Variants in EME2 observed in about 807,000 individuals in gnomAD.
The protein encoded by EME2 is essential meiotic structure-specific endonuclease subunit 2.
In EME2, 58 loss-of-function variants were observed where a neutral mutation model predicts 41.9. That is an observed-to-expected ratio of 1.38 (90% CI 1.12 to 1.72). EME2 has a LOEUF of 1.72. Among genes scored for constraint, EME2 ranks in the 40% most tolerant of loss-of-function variants. The pLI, the probability that EME2 is intolerant of heterozygous loss-of-function variation, is 0.00. For synonymous variants in EME2, 334 were observed against 239.3 expected (o/e 1.40, Z -3.65); for missense variants, 695 against 541.9 (o/e 1.28, Z -2.81).
chr16:1,772,814 G>A lies in EME2; in HGVS notation c.-414G>A. 6.9e-7 allele frequency: 1 copy of A among 1,446,596 alleles called. No homozygotes were observed. The allele number at this position is 1,446,596 out of a possible 1,614,324, so 89.6% of individuals were successfully genotyped here. On this transcript the variant is annotated 5_prime_UTR_variant, in exon 1 of 8. Coordinates refer to ENST00000568449, the MANE Select transcript of EME2 (RefSeq NM_001257370.2). The stretch of plus-strand genomic sequence containing the variant: ...GTGCACGCACCTGCGCCGTGTAGTC[G>A]GGCCGCACCCGCGTGAGGCGCCAGT...
At chr16:1,773,628 G>A in intron 1 of EME2, 77 bp from the exon 2 acceptor site, 1 of 1,543,296 alleles carries the variant, frequency 6.5e-7, no homozygotes, top group Non-Finnish European at 8.7e-7. Context: ...AGACTCCCCG[G>A]TCCGGCCACC....
chr16:1,781,302 C>G lies in EME2; in HGVS notation c.*5064C>G. 6.2e-7 allele frequency: 1 copy of G among 1,612,632 alleles called. No homozygotes were observed. The highest frequency in any genetic ancestry group is 8.5e-7 in the Non-Finnish European group (1 of 1,179,964). The stretch of plus-strand genomic sequence containing the variant: ...GTTCAGGTAATGTCTGCCTGCCTGC[C>G]TAGGGCATCTCCACACCTTAGGCCA... On this transcript the variant is annotated 3_prime_UTR_variant, in exon 8 of 8. Coordinates refer to ENST00000568449, the MANE Select transcript of EME2 (RefSeq NM_001257370.2).
chr16:1,781,116 G>C lies in EME2; in HGVS notation c.*4878G>C. 1 of 1,440,664 alleles carries C rather than the reference G, an allele frequency of 6.9e-7. No individual in the cohort carries two copies. 89.2% of individuals were successfully genotyped at this position (1,440,664 alleles called of 1,614,324 possible). A position where few individuals can be genotyped will look rare whatever the true frequency, so the allele number is the denominator to read the frequency against. On this transcript the variant is annotated 3_prime_UTR_variant, in exon 8 of 8. Coordinates refer to ENST00000568449, the MANE Select transcript of EME2 (RefSeq NM_001257370.2). ...CATGTGTTTCAGAGGAGAAAGCACAGTGAAGAATGCAGTGTGTTCTGAGGT... is the reference window on the plus strand; with the variant it reads ...CATGTGTTTCAGAGGAGAAAGCACACTGAAGAATGCAGTGTGTTCTGAGGT...
In EME2 at chr16:1,773,275, G is replaced by C; in HGVS notation, c.48G>C (p.Arg16=). The change falls in exon 1 of 8, where the codon CGG becomes CGC. Residue 16 remains arginine, a synonymous_variant. Transcript: ENST00000568449. ...GGGCGGGGGTCTCTTGCCAGGGCCG[G>C]GGCCGGGGACGGGGCGGGAGCGGTC... is the stretch of plus-strand genomic sequence containing the variant. ...PGRAGVSCQG[R]GRGRGGSGQR... 6.8e-7 allele frequency: 1 copy of C among 1,469,926 alleles called. No homozygotes were observed. Among genetic ancestry groups the C allele is most frequent in the Middle Eastern group, 2.0e-4 (1 of 5,084 alleles). 91.1% of individuals were successfully genotyped at this position (1,469,926 alleles called of 1,614,324 possible).
chr16:1,773,934 T>C lies in EME2; in HGVS notation c.384+93T>C, dbSNP rs1596846746. 13 of 1,403,696 alleles carry C rather than the reference T, an allele frequency of 9.3e-6. No homozygotes were observed. The South Asian group carries it at 1.9e-4, about 20-fold the overall frequency. 87.0% of individuals were successfully genotyped at this position (1,403,696 alleles called of 1,614,324 possible). ...GGAGCTGTCCCTGAGGCAGCTGCCC[T>C]GGGCCGTGCGCGTCTCGCGGATGGG... On this transcript the variant is annotated intron_variant, in intron 2 of 7. Coordinates refer to ENST00000568449, the MANE Select transcript of EME2 (RefSeq NM_001257370.2).
chr16:1,774,258 A>G lies in EME2; in HGVS notation c.385-2A>G, dbSNP rs1567227058. On this transcript the variant is annotated splice_acceptor_variant, in intron 2 of 7. Coordinates refer to ENST00000568449, the MANE Select transcript of EME2 (RefSeq NM_001257370.2). LOFTEE classifies it high-confidence loss of function. ...CAGCAGCGCGTCCCCATGTCCCCACAGCTGCCTCCTGAAGTGTGGGCTGCA... is the reference window on the plus strand; with the variant it reads ...CAGCAGCGCGTCCCCATGTCCCCACGGCTGCCTCCTGAAGTGTGGGCTGCA... The G allele has an allele frequency of 6.2e-7, 1 of 1,612,366 alleles. No homozygotes were observed. Among genetic ancestry groups the G allele is most frequent in the Non-Finnish European group, 8.5e-7 (1 of 1,179,670 alleles).
In EME2 at chr16:1,773,694, C is replaced by G; in HGVS notation, c.248-11C>G. 1.9e-6 allele frequency: 3 copies of G among 1,548,448 alleles called. No individual in the cohort carries two copies. The highest frequency in any genetic ancestry group is 1.7e-6 in the Non-Finnish European group (2 of 1,146,952). ...GGAAGCAGTGACCGCGCTCCTCTCC[C>G]CCGGTCCCAGCCATCCTGGAAGACG... On this transcript the variant is annotated splice_polypyrimidine_tract_variant and intron_variant, in intron 1 of 7. Coordinates refer to ENST00000568449, the MANE Select transcript of EME2 (RefSeq NM_001257370.2).
chr16:1,774,385 T>C (rs759565054), intron 3 of EME2, 33 bp downstream of exon 3: 19 of 1,538,896 alleles, frequency 1.2e-5, no homozygotes, highest in Non-Finnish European at 1.7e-5. Flanking sequence ...CCCTCTCTAA[T>C]CAGGAGGGGT....
chr16:1,773,830 T>A lies in EME2; in HGVS notation c.373T>A (p.Cys125Ser). Residue 125 changes from cysteine (C) to serine (S), a missense_variant, in exon 2 of 8, where the codon TGC (cysteine) becomes AGC (serine). Transcript: ENST00000568449. ...GTGGACCCGAGCGAGTCCCGACCCC[T>A]GCCCCCGCAGCGTGAGTGGTCGCGG... ...LRWTRASPDP[C>S]PRSLPPEVWA... 1 of 1,547,962 alleles carries A rather than the reference T, an allele frequency of 6.5e-7. No individual in the cohort carries two copies. The highest frequency in any genetic ancestry group is 8.7e-7 in the Non-Finnish European group (1 of 1,150,562).
At chr16:1,774,619 C>T (rs2042681388) in intron 3 of EME2, among the ~76,000 whole-genome samples, 2 of 152,250 alleles carry the variant, frequency 1.3e-5, no homozygotes, top group Non-Finnish European at 2.9e-5. Context: ...CAGGCTTCGT[C>T]CTCTGACAGC....
In EME2 at chr16:1,778,765, C is replaced by T; in HGVS notation, c.*2527C>T. 1.3e-6 allele frequency: 1 copy of T among 794,610 alleles called. No individual in the cohort carries two copies. Among genetic ancestry groups the T allele is most frequent in the South Asian group, 2.2e-5 (1 of 45,066 alleles). The allele number at this position is 794,610 out of a possible 1,614,324, so 49.2% of individuals were successfully genotyped here. A position where few individuals can be genotyped will look rare whatever the true frequency, so the allele number is the denominator to read the frequency against. ...CTTCACAGTACCCCGAGCGCACAGC[C>T]CAGGCTCCCTCCCAACGGGCTCCGG... On this transcript the variant is annotated 3_prime_UTR_variant, in exon 8 of 8. Coordinates refer to ENST00000568449, the MANE Select transcript of EME2 (RefSeq NM_001257370.2).
In EME2 at chr16:1,776,815, T is replaced by C. The variant is rs745351803; in HGVS notation, c.*577T>C. On this transcript the variant is annotated 3_prime_UTR_variant, in exon 8 of 8. Transcript: ENST00000568449. The stretch of plus-strand genomic sequence containing the variant: ...AGCAAGTTAGGAAAAACCGAGGCCC[T>C]GTGGGAACAGCAACGCGGGCTCCAG... 1.7e-4 allele frequency: 89 copies of C among 511,970 alleles called. 1 individual carries two copies. The Middle Eastern group carries it at 2.0e-3, about 12-fold the overall frequency. 31.7% of individuals were successfully genotyped at this position (511,970 alleles called of 1,614,324 possible). A position where few individuals can be genotyped will look rare whatever the true frequency, so the allele number is the denominator to read the frequency against.
In EME2 at chr16:1,775,616, G is replaced by A. The variant is rs1333009886; in HGVS notation, c.711G>A (p.Val237=). Residue 237 remains valine (V), a synonymous_variant, in exon 6 of 8, where the codon GTG becomes GTA. Coordinates refer to ENST00000568449, the MANE Select transcript of EME2 (RefSeq NM_001257370.2). ...QLWANLDVLL[V]ASWQELSRHV... is the part of the protein sequence containing the mutation. Reference sequence around the variant, plus strand: ...GGGCAAACCTGGACGTGCTACTGGTGGCCTCTTGGCAGGAGCTGAGTCGGC... The same window carrying A: ...GGGCAAACCTGGACGTGCTACTGGTAGCCTCTTGGCAGGAGCTGAGTCGGC... The A allele has an allele frequency of 6.2e-7, 1 of 1,612,940 alleles. No individual in the cohort carries two copies. Among genetic ancestry groups the A allele is most frequent in the East Asian group, 2.2e-5 (1 of 44,882 alleles).
Position 1,775,378 on chromosome 16 carries a change from G to A in EME2, c.633G>A (p.Glu211=). ...AGAGCCCGAAGGTGGCCGGTGCCGAGGTGGCCGTCAGCTGGCCGGAGGTGG... is the reference window on the plus strand; with the variant it reads ...AGAGCCCGAAGGTGGCCGGTGCCGAAGTGGCCGTCAGCTGGCCGGAGGTGG... ...QPESPKVAGA[E]VAVSWPEVEE... Residue 211 remains glutamate, a synonymous_variant, in exon 5 of 8, where the codon GAG becomes GAA. Transcript: ENST00000568449. The A allele has an allele frequency of 1.2e-6, 2 of 1,612,444 alleles. No individual in the cohort carries two copies. Among genetic ancestry groups the A allele is most frequent in the Middle Eastern group, 1.6e-4 (1 of 6,062 alleles).
At position 1,773,159 on chromosome 16, in the gene EME2, G is replaced by C; in HGVS notation, c.-69G>C. On this transcript the variant is annotated 5_prime_UTR_variant, in exon 1 of 8. Coordinates refer to ENST00000568449, the MANE Select transcript of EME2 (RefSeq NM_001257370.2). ...CTCAGCGGTCCGGCCGGAAGTCACC[G>C]GAAGAGGCCGGTGTCCCAGGCTAAA... The C allele has an allele frequency of 2.8e-6, 4 of 1,404,340 alleles. No individual in the cohort carries two copies. Among genetic ancestry groups the C allele is most frequent in the Admixed American group, 3.3e-5 (1 of 30,418 alleles). 87.0% of individuals were successfully genotyped at this position (1,404,340 alleles called of 1,614,324 possible).
chr16:1,774,711 C>T (rs2042682727), intron 3 of EME2, among the ~76,000 whole-genome samples: 1 of 152,232 alleles, frequency 6.6e-6, no homozygotes, highest in Non-Finnish European at 1.5e-5. Flanking sequence ...AGACCCCCTG[C>T]CAGGTCCCTG....
intron 2 of EME2, 46 bp from the exon 3 acceptor site, chr16:1,774,214 C>T (rs760734642): frequency 1.3e-6 from 2 of 1,564,366 alleles, no homozygotes; most frequent in Admixed American, 3.3e-5. Flanking sequence ...GCCCCTGGGG[C>T]ACCCGGGGTT....
chr16:1,776,131 C>T lies in EME2; in HGVS notation c.1033C>T (p.Pro345Ser). ...MGLLADLPVP[P>S]SEGGRPRRVG... The stretch of plus-strand genomic sequence containing the variant: ...CCTCCTGGCCGACCTTCCTGTGCCG[C>T]CCAGTGAAGGCGGGCGTCCCCGCAG... The change falls in exon 8 of 8, where the codon CCC becomes TCC. Residue 345 changes from proline (P) to serine (S), a missense_variant. By Grantham distance (74) the Pro-to-Ser change is moderately conservative (BLOSUM62 -1). Transcript: ENST00000568449. The T allele has an allele frequency of 6.2e-7, 1 of 1,612,230 alleles. No individual in the cohort carries two copies. Among genetic ancestry groups the T allele is most frequent in the Non-Finnish European group, 8.5e-7 (1 of 1,179,856 alleles).
rs2042647851 is a variant in EME2, at chr16:1,773,038, G to C, written c.-190G>C. On this transcript the variant is annotated 5_prime_UTR_variant, in exon 1 of 8. Coordinates refer to ENST00000568449, the MANE Select transcript of EME2 (RefSeq NM_001257370.2). ...ACCGCGTAGAGCTGGGAGTCGCGCG[G>C]CCTGTTCAGTTGCTCCCGCAGGGCG... The C allele has an allele frequency of 2.8e-6, 4 of 1,436,356 alleles. No individual in the cohort carries two copies. Among genetic ancestry groups the C allele is most frequent in the Non-Finnish European group, 2.7e-6 (3 of 1,096,594 alleles). The allele number at this position is 1,436,356 out of a possible 1,614,324, so 89.0% of individuals were successfully genotyped here.
Sources: gnomAD v4.1 joint callset for allele counts (sites outside exome capture counted in the v4.1 genomes callset) on GRCh38, gnomAD v4.1.1 for gene constraint, MANE v1.5 for transcripts, NCBI Gene and HGNC (gene_info 2026-07-23, HGNC 2026-07-21) for gene names.